Variants in BTG3 observed in about 807,000 individuals in gnomAD.
The protein encoded by BTG3 is BTG anti-proliferation factor 3, also known as protein BTG3.
A neutral mutation model predicts 25.8 loss-of-function variants in BTG3; 4 were observed. That is an observed-to-expected ratio of 0.16 (90% CI 0.08 to 0.36). BTG3 has a LOEUF of 0.36. BTG3 is among the 10% of genes least tolerant of loss of function. BTG3 has a pLI of 1.00. For synonymous variants in BTG3, 107 were observed against 99.9 expected (o/e 1.07, Z -0.42); for missense variants, 201 against 304.9 (o/e 0.66, Z 2.54).
Position 17,612,827 on chromosome 21 carries a change from C to T in BTG3, c.-137G>A, listed in dbSNP as rs1469758510. ...GGAGCGCAGCGAGCCTCGTCCGGCG[C>T]GTGCGGCTCCCGCGTCGTCGGGCGG... On this transcript the variant is annotated 5_prime_UTR_variant, in exon 1 of 5. Coordinates refer to ENST00000348354, the MANE Select transcript of BTG3 (RefSeq NM_006806.5). 6.6e-6 allele frequency: 1 copy of T among 152,182 alleles called. No homozygotes were observed. Among genetic ancestry groups the T allele is most frequent in the Non-Finnish European group, 1.5e-5 (1 of 68,078 alleles). The allele number at this position is 152,182 out of a possible 1,614,324, so 9.4% of individuals were successfully genotyped here.
intron 2 of BTG3, among the ~76,000 whole-genome samples, chr21:17,606,558 A>G (rs1167290774): frequency 1.3e-5 from 2 of 152,120 alleles, no homozygotes; most frequent in Non-Finnish European, 2.9e-5. Flanking sequence ...TCTTAGATGT[A>G]TGTGTTTTTC....
chr21:17,599,069 TCTA>T (rs2061539089), intron 3 of BTG3: 5 of 367,470 alleles, frequency 1.4e-5, no homozygotes, highest in Admixed American at 1.3e-4. Flanking sequence ...TTATTTTCTT[TCTA>T]CTAATTCCTA....
At chr21:17,600,447 AGC>A (rs2061557773) in intron 3 of BTG3, among the ~76,000 whole-genome samples, 1 of 152,250 alleles carries the variant, frequency 6.6e-6, no homozygotes, top group Non-Finnish European at 1.5e-5. Flanking sequence ...ATTTCAAGAT[AGC>A]ACTCGTCTCA....
intron 2 of BTG3, among the ~76,000 whole-genome samples, chr21:17,607,372 T>C (rs541167518): frequency 6.6e-5 from 10 of 152,168 alleles, no homozygotes; most frequent in Non-Finnish European, 1.2e-4. Context: ...GTTCACTCTA[T>C]TGGAAATGAA....
chr21:17,599,546 C>T (rs2061546424), intron 3 of BTG3, among the ~76,000 whole-genome samples: 1 of 148,612 alleles, frequency 6.7e-6, no homozygotes, highest in Non-Finnish European at 1.5e-5. Context: ...GGTGCAATCT[C>T]GGCCCACTAC....
At chr21:17,606,268 C>T (rs150084409) in intron 2 of BTG3, among the ~76,000 whole-genome samples, 377 of 152,238 alleles carry the variant, frequency 2.5e-3, no homozygotes, top group Middle Eastern at 0.017. Flanking sequence ...CAACATTACA[C>T]AGCTACTAAG....
chr21:17,594,206 G>T lies in BTG3; in HGVS notation c.646C>A (p.Gln216Lys), dbSNP rs1215512811. Residue 216 changes from glutamine (Q) to lysine (K), a missense_variant, in exon 5 of 5, where the codon CAG becomes AAG. Gln to Lys is a moderately conservative substitution (Grantham distance 53, BLOSUM62 1). Coordinates refer to ENST00000348354, the MANE Select transcript of BTG3 (RefSeq NM_006806.5). ...CGATATGGTTTATTTTTTCTTCCCT[G>T]ATTTGGATAACCAAATGGAACAGGA... ...PPPVPFGYPN[Q>K]GRKNKPYRPI... The T allele has an allele frequency of 1.2e-6, 2 of 1,613,304 alleles. No individual in the cohort carries two copies. The highest frequency in any genetic ancestry group is 1.7e-6 in the Non-Finnish European group (2 of 1,179,422).
intron 4 of BTG3, among the ~76,000 whole-genome samples, 169 bp from the exon 5 acceptor site, chr21:17,594,501 A>G (rs2061478622): frequency 1.3e-5 from 2 of 152,096 alleles, no homozygotes; most frequent in Admixed American, 6.6e-5. Flanking sequence ...TAATAGGCGT[A>G]TAATGTATAA....
At position 17,594,284 on chromosome 21, in the gene BTG3, T is replaced by G. The variant is rs1324696832; in HGVS notation, c.568A>C (p.Arg190=). 6.2e-7 allele frequency: 1 copy of G among 1,613,090 alleles called. No homozygotes were observed. The highest frequency in any genetic ancestry group is 8.5e-7 in the Non-Finnish European group (1 of 1,179,350). Reference sequence around the variant, plus strand: ...CCTCGATACATTCCTGGCTTTTTTCTGGGCAAAGGGTGCCACATTGGAAGA... The same window carrying G: ...CCTCGATACATTCCTGGCTTTTTTCGGGGCAAAGGGTGCCACATTGGAAGA... ...PPLPMWHPLP[R]KKPGMYRGNG... Residue 190 remains arginine (R), a synonymous_variant, in exon 5 of 5, where the codon AGA becomes CGA. Transcript: ENST00000348354.
intron 4 of BTG3, among the ~76,000 whole-genome samples, chr21:17,595,797 T>A (rs2061496618): frequency 6.6e-6 from 1 of 152,020 alleles, no homozygotes; most frequent in Non-Finnish European, 1.5e-5. Flanking sequence ...TGGTAAATAT[T>A]TAATACTTAG....
Position 17,594,157 on chromosome 21 carries a change from G to A in BTG3, c.695C>T (p.Pro232Leu), listed in dbSNP as rs1601076231. 6.2e-7 allele frequency: 1 copy of A among 1,613,224 alleles called. No homozygotes were observed. Among genetic ancestry groups the A allele is most frequent in the Non-Finnish European group, 8.5e-7 (1 of 1,179,378 alleles). The change falls in exon 5 of 5, where the codon CCT becomes CTT. Residue 232 changes from proline (P) to leucine (L), a missense_variant. By Grantham distance (98) the Pro-to-Leu change is moderately conservative (BLOSUM62 -3). Coordinates refer to ENST00000348354, the MANE Select transcript of BTG3 (RefSeq NM_006806.5). ...PYRPIPVTWVPPPGMHCDRNH... is the reference protein window; with the variant it reads ...PYRPIPVTWVLPPGMHCDRNH... ...CCGGTCACAATGCATTCCAGGAGGA[G>A]GTACCCATGTCACTGGAATTGGGCG... is the stretch of plus-strand genomic sequence containing the variant.
chr21:17,594,326 C>A lies in BTG3; in HGVS notation c.526G>T (p.Glu176Ter). Reference protein sequence around the residue: ...AAASPVYQISELIFPPLPMWH... With the variant: ...AAASPVYQIS The stretch of plus-strand genomic sequence containing the variant: ...ATTGGAAGAGGTGGAAATATAAGTT[C>A]TGAAATCTGTAGGGAAGAGAACACA... The change falls in exon 5 of 5, where the codon GAA becomes TAA. Residue 176 changes from glutamate (E) to a stop codon, truncating the protein, a stop_gained. Transcript: ENST00000348354. LOFTEE classifies it high-confidence loss of function. 2 of 1,612,594 alleles carry A rather than the reference C, an allele frequency of 1.2e-6. No homozygotes were observed. Among genetic ancestry groups the A allele is most frequent in the Non-Finnish European group, 1.7e-6 (2 of 1,179,096 alleles).
chr21:17,606,592 G>C (rs1301977246), intron 2 of BTG3, among the ~76,000 whole-genome samples: 3 of 151,936 alleles, frequency 2.0e-5, no homozygotes, highest in Non-Finnish European at 1.5e-5. Context: ...AGGTGATACA[G>C]GCTCTAAGCT....
At chr21:17,603,408 A>C (rs992612405) in intron 3 of BTG3, among the ~76,000 whole-genome samples, 1 of 152,152 alleles carries the variant, frequency 6.6e-6, no homozygotes, top group Non-Finnish European at 1.5e-5. Context: ...TGGTTTCCAA[A>C]AGCAATAAAC....
At chr21:17,604,729 A>G (rs2061617552) in intron 3 of BTG3, 131 bp downstream of exon 3, 1 of 1,157,630 alleles carries the variant, frequency 8.6e-7, no homozygotes, top group Non-Finnish European at 1.2e-6. Context: ...TATTTCATAA[A>G]ATTTACATCT....
At chr21:17,601,185 C>T (rs964592159) in intron 3 of BTG3, among the ~76,000 whole-genome samples, 2 of 151,334 alleles carry the variant, frequency 1.3e-5, no homozygotes, top group African/African-American at 4.9e-5. Context: ...AAAGTTGCTA[C>T]GGGATGGTAG....
intron 2 of BTG3, among the ~76,000 whole-genome samples, chr21:17,606,111 G>C (rs7349019): frequency 0.51 from 77,528 of 151,984 alleles, 21,729 homozygotes; most frequent in African/African-American, 0.76. Context: ...ACAATAATAA[G>C]CATTTTAAAA....
intron 1 of BTG3, 39 bp from the exon 2 acceptor site, chr21:17,609,191 A>T (rs2061685380): frequency 1.9e-6 from 3 of 1,579,230 alleles, no homozygotes; most frequent in Non-Finnish European, 2.6e-6. Context: ...AAAACAAAAT[A>T]TAAAAACTGG....
chr21:17,598,577 C>T lies in BTG3; in HGVS notation c.519+40G>A, dbSNP rs1469291106. ...GACTACCTGAAAGGTCCTGGCAATC[C>T]CTGCACATCCCTTTAAAACTGAGCT... On this transcript the variant is annotated intron_variant, in intron 4 of 4. Transcript: ENST00000348354. 5 of 1,558,466 alleles carry T rather than the reference C, an allele frequency of 3.2e-6. 1 individual carries two copies. The highest frequency in any genetic ancestry group is 2.2e-5 in the East Asian group (1 of 44,516).
Sources: allele counts gnomAD v4.1 joint callset (sites outside exome capture counted in the v4.1 genomes callset), GRCh38; gene constraint gnomAD v4.1.1; transcripts MANE v1.5; gene names NCBI Gene and HGNC (gene_info 2026-07-23, HGNC 2026-07-21).